LOXHD1: variants seen among roughly 807,000 people sequenced by gnomAD.
LOXHD1 encodes the protein lipoxygenase homology domain-containing protein 1.
Under a neutral mutation model 248.2 loss-of-function variants are expected in LOXHD1, and 205 were observed. The observed-to-expected ratio is 0.83, with a 90% CI of 0.74 to 0.93. The LOEUF (loss-of-function observed/expected upper bound fraction) is 0.93, where lower values mean the gene tolerates loss of function less well. Among genes scored for constraint, LOXHD1 ranks in the 40% least tolerant of loss-of-function variants. The probability of loss-of-function intolerance (pLI) is 0.00; values close to 1 mark genes in which losing one functional copy is unlikely to be tolerated. For missense variants in LOXHD1, 2,930 were observed against 2,971.6 expected (o/e 0.99, Z 0.33); for synonymous variants, 1,113 against 1,162.8 (o/e 0.96, Z 0.87).
intron 37 of LOXHD1, among the ~76,000 whole-genome samples, chr18:46,501,253 C>T (rs542472664): frequency 8.8e-4 from 134 of 152,304 alleles, no homozygotes; most frequent in Non-Finnish European, 3.4e-4. Context: ...ATTTTAGTTG[C>T]CAAATGCCAT....
At chr18:46,624,607 C>T (rs940874052) in intron 4 of LOXHD1, among the ~76,000 whole-genome samples, 2 of 152,188 alleles carry the variant, frequency 1.3e-5, no homozygotes, top group African/African-American at 4.8e-5. Context: ...GCCAGGCTCT[C>T]GTCTACTGTC....
rs2032929333 is a variant in LOXHD1, at chr18:46,485,068, A to T, written c.6133T>A (p.Ser2045Thr). ...WLILEGRKNR[S>T]KEFLMENSSR... is the part of the protein sequence containing the mutation. ...GAATTTTCCATGAGAAACTCTTTGG[A>T]TCGGTTCTTCCTGCCCTCCAGGATG... The change falls in exon 39 of 41, where the codon TCC becomes ACC. Residue 2045 changes from serine to threonine, a missense_variant. Coordinates refer to ENST00000642948, the MANE Select transcript of LOXHD1 (RefSeq NM_001384474.1). The T allele has an allele frequency of 1.3e-6, 2 of 1,550,074 alleles. No homozygotes were observed. The highest frequency in any genetic ancestry group is 1.2e-5 in the South Asian group (1 of 83,916).
chr18:46,499,780 A>G (rs1041911316), intron 37 of LOXHD1, among the ~76,000 whole-genome samples: 9 of 152,224 alleles, frequency 5.9e-5, no homozygotes, highest in Non-Finnish European at 1.3e-4. Flanking sequence ...CCTATTACAT[A>G]CAGTGGCTTA....
intron 8 of LOXHD1, among the ~76,000 whole-genome samples, chr18:46,598,014 G>A (rs894542086): frequency 8.6e-5 from 13 of 150,694 alleles, no homozygotes; most frequent in Non-Finnish European, 1.3e-4. Flanking sequence ...TGATCTGCCC[G>A]CCTCGGCCTC....
intron 2 of LOXHD1, among the ~76,000 whole-genome samples, chr18:46,645,383 C>T (rs1369677717): frequency 3.9e-5 from 6 of 152,200 alleles, no homozygotes; most frequent in Admixed American, 1.3e-4. Flanking sequence ...ACAGGCTGCA[C>T]GGGGCATTTT....
At chr18:46,503,004 G>A (rs1224566734) in intron 37 of LOXHD1, among the ~76,000 whole-genome samples, 1 of 152,122 alleles carries the variant, frequency 6.6e-6, no homozygotes, top group Non-Finnish European at 1.5e-5. Context: ...TAAAAGACCT[G>A]GTATTTCTCA....
At chr18:46,590,478 G>A (rs1474993063) in intron 12 of LOXHD1, among the ~76,000 whole-genome samples, 1 of 152,172 alleles carries the variant, frequency 6.6e-6, no homozygotes, top group African/African-American at 2.4e-5. Flanking sequence ...CTTCTCCCCA[G>A]TTCTTTATAC....
At position 46,639,615 on chromosome 18, in the gene LOXHD1, C is replaced by T. The variant is rs1008527398; in HGVS notation, c.511+1G>A. 1 of 1,550,928 alleles carries T rather than the reference C, an allele frequency of 6.4e-7. No homozygotes were observed. Among genetic ancestry groups the T allele is most frequent in the Admixed American group, 2.0e-5 (1 of 50,988 alleles). ...GCAGGCAGGCCAGCCTAGGCACTGACCTCTGGGCATGTCCATGGGGTTGAA... is the reference window on the plus strand; with the variant it reads ...GCAGGCAGGCCAGCCTAGGCACTGATCTCTGGGCATGTCCATGGGGTTGAA... On this transcript the variant is annotated splice_donor_variant, in intron 4 of 40. Coordinates refer to ENST00000642948, the MANE Select transcript of LOXHD1 (RefSeq NM_001384474.1). LOFTEE classifies it high-confidence loss of function.
chr18:46,507,096 A>G (rs1017725350), intron 36 of LOXHD1, among the ~76,000 whole-genome samples: 8 of 152,202 alleles, frequency 5.3e-5, no homozygotes, highest in African/African-American at 1.4e-4. Flanking sequence ...GGTTGCTCCA[A>G]TGAAGGTCAG....
chr18:46,627,491 A>T (rs1249260243), intron 4 of LOXHD1, among the ~76,000 whole-genome samples: 1 of 152,204 alleles, frequency 6.6e-6, no homozygotes, highest in African/African-American at 2.4e-5. Context: ...AAAATGCAAC[A>T]TGGAGAAAGT....
At chr18:46,624,299 G>A (rs1453343273) in intron 4 of LOXHD1, among the ~76,000 whole-genome samples, 1 of 152,182 alleles carries the variant, frequency 6.6e-6, no homozygotes, top group Non-Finnish European at 1.5e-5. Context: ...AGATGAAAAC[G>A]GCAAGGGAGA....
intron 37 of LOXHD1, among the ~76,000 whole-genome samples, chr18:46,498,256 T>TG (rs562126216): frequency 1.5e-3 from 225 of 152,330 alleles, no homozygotes; most frequent in Admixed American, 2.5e-3. Context: ...GGCTCTCAGA[T>TG]GGGACTGCAC....
At chr18:46,574,627 A>AAG (rs1197712701) in intron 14 of LOXHD1, among the ~76,000 whole-genome samples, 2 of 151,922 alleles carry the variant, frequency 1.3e-5, no homozygotes, top group East Asian at 3.9e-4. Context: ...AAAAAAAAAA[A>AAG]AAAAAAATGC....
chr18:46,498,401 A>G (rs960198060), intron 37 of LOXHD1, among the ~76,000 whole-genome samples: 8 of 152,180 alleles, frequency 5.3e-5, no homozygotes, highest in Non-Finnish European at 1.0e-4. Context: ...TCCCTACTAT[A>G]TTATTTTCCT....
chr18:46,497,559 A>G (rs114048221), intron 37 of LOXHD1, among the ~76,000 whole-genome samples: 2,089 of 152,316 alleles, frequency 0.014, 42 homozygotes, highest in African/African-American at 0.048. Context: ...ACTAAGGCAC[A>G]AGGAACACTG....
At chr18:46,536,950 C>T (rs1175644841) in intron 26 of LOXHD1, among the ~76,000 whole-genome samples, 1 of 152,174 alleles carries the variant, frequency 6.6e-6, no homozygotes, top group Non-Finnish European at 1.5e-5. Context: ...TCCTGCGCTT[C>T]CCCTCTAAGT....
At chr18:46,545,501 T>C in intron 22 of LOXHD1, 80 bp from the exon 23 acceptor site, 3 of 1,041,220 alleles carry the variant, frequency 2.9e-6, no homozygotes, top group Admixed American at 2.0e-5. Flanking sequence ...CCACCTCCTC[T>C]AGAAGGGCTT....
chr18:46,497,138 C>A (rs1250398292), intron 37 of LOXHD1, among the ~76,000 whole-genome samples: 1 of 152,190 alleles, frequency 6.6e-6, no homozygotes, highest in African/African-American at 2.4e-5. Flanking sequence ...TCTTTGCCTA[C>A]AAGGGGAAGA....
Position 46,657,157 on chromosome 18 carries a change from G to A in LOXHD1, c.-124C>T. ...GCCCTCCTATAGCTCAGGCCTGGGT[G>A]GGCCAGAGTGCCCCGTTTTCTTGGC... On this transcript the variant is annotated 5_prime_UTR_variant, in exon 1 of 41. Transcript: ENST00000642948. 1 of 1,465,774 alleles carries A rather than the reference G, an allele frequency of 6.8e-7. No individual in the cohort carries two copies. The highest frequency in any genetic ancestry group is 2.5e-5 in the East Asian group (1 of 40,240). The allele number at this position is 1,465,774 out of a possible 1,614,324, so 90.8% of individuals were successfully genotyped here.
Sources: allele counts gnomAD v4.1 joint callset (sites outside exome capture counted in the v4.1 genomes callset), GRCh38; gene constraint gnomAD v4.1.1; transcripts MANE v1.5; gene names NCBI Gene and HGNC (gene_info 2026-07-23, HGNC 2026-07-21).